SLC9C2: variants seen among roughly 807,000 people sequenced by gnomAD.
SLC9C2 encodes the protein sodium/hydrogen exchanger 11.
A neutral mutation model predicts 140.2 loss-of-function variants in SLC9C2; 75 were observed. That is an observed-to-expected ratio of 0.53 (90% CI 0.44 to 0.65). SLC9C2 has a LOEUF of 0.65. Ranked by LOEUF, SLC9C2 falls within the 30% of genes least tolerant of loss-of-function variation. The pLI, the probability that SLC9C2 is intolerant of heterozygous loss-of-function variation, is 0.00. For missense variants in SLC9C2, 1,074 were observed against 1,331.8 expected (o/e 0.81, Z 3.01); for synonymous variants, 375 against 420.9 (o/e 0.89, Z 1.34).
chr1:173,571,612 C>A (rs990840757), intron 9 of SLC9C2: 1 of 152,062 alleles, frequency 6.6e-6, no homozygotes, highest in Admixed American at 6.5e-5. Context: ...ATATTATATT[C>A]TTCATTTAAC....
Position 173,576,823 on chromosome 1 carries a change from C to G in SLC9C2, c.803-63G>C, listed in dbSNP as rs1231973202. The stretch of plus-strand genomic sequence containing the variant: ...GTATTCATATCTGCACACTGAGACA[C>G]TTTATCTTGAATAAAGAATTGGTGG... On this transcript the variant is annotated intron_variant, in intron 7 of 27. Coordinates refer to ENST00000367714, the MANE Select transcript of SLC9C2 (RefSeq NM_178527.4). 4.1e-6 allele frequency: 4 copies of G among 972,134 alleles called. No individual in the cohort carries two copies. In the African/African-American group the frequency reaches 6.6e-5, roughly 16 times the overall value. The allele number at this position is 972,134 out of a possible 1,614,324, so 60.2% of individuals were successfully genotyped here.
Position 173,548,535 on chromosome 1 carries a change from G to T in SLC9C2, c.1315C>A (p.Leu439Ile). Residue 439 changes from leucine to isoleucine, a missense_variant, in exon 12 of 28, where the codon CTC (leucine) becomes ATC (isoleucine). Physicochemically the swap from Leu to Ile is conservative, Grantham distance 5 (BLOSUM62 2). Coordinates refer to ENST00000367714, the MANE Select transcript of SLC9C2 (RefSeq NM_178527.4). ...ARKLDLCVLSLPRQMILQNAT... is the reference protein window; with the variant it reads ...ARKLDLCVLSIPRQMILQNAT... ...TTTTGCAAGATCATTTGTCTTGGGA[G>T]GGAAAGAACACACAAATCTGTGACA... 1 of 1,613,602 alleles carries T rather than the reference G, an allele frequency of 6.2e-7. No homozygotes were observed.
chr1:173,602,621 G>A (rs1289297596), intron 1 of SLC9C2, 130 bp downstream of exon 1: 4 of 152,178 alleles, frequency 2.6e-5, no homozygotes, highest in Non-Finnish European at 5.9e-5. Context: ...CTCTGTGTAG[G>A]ATGTAACCTG....
chr1:173,518,034 GC>G (rs1364744511), intron 22 of SLC9C2, among the ~76,000 whole-genome samples: 4 of 152,130 alleles, frequency 2.6e-5, no homozygotes, highest in African/African-American at 9.7e-5. Flanking sequence ...GCCAAGGCGG[GC>G]GGATCACAAG....
At chr1:173,602,207 G>A (rs116145970) in intron 1 of SLC9C2, among the ~76,000 whole-genome samples, 75 of 152,272 alleles carry the variant, frequency 4.9e-4, no homozygotes, top group African/African-American at 1.7e-3. Flanking sequence ...CATGTGGCAC[G>A]AGATAGGCTG....
chr1:173,510,713 A>G (rs1288768218), intron 23 of SLC9C2, among the ~76,000 whole-genome samples: 1 of 151,970 alleles, frequency 6.6e-6, no homozygotes, highest in East Asian at 1.9e-4. Flanking sequence ...TATGTACCAC[A>G]TTTTCTTTAT....
intron 15 of SLC9C2, among the ~76,000 whole-genome samples, chr1:173,535,502 C>T (rs911012400): frequency 2.6e-4 from 40 of 152,148 alleles, no homozygotes; most frequent in African/African-American, 9.4e-4. Flanking sequence ...ATCTAGTCTA[C>T]CAGTTAGCTA....
intron 21 of SLC9C2, among the ~76,000 whole-genome samples, chr1:173,523,143 G>A (rs10798283): frequency 0.2 from 29,815 of 152,054 alleles, 4,221 homozygotes; most frequent in East Asian, 0.64. Flanking sequence ...AGGCCAAGGC[G>A]GGTGGATCAC....
chr1:173,584,061 AATAGTATTATTC>A (rs1665711176), intron 5 of SLC9C2, among the ~76,000 whole-genome samples: 1 of 152,228 alleles, frequency 6.6e-6, no homozygotes, highest in Admixed American at 6.5e-5. Context: ...AAACATTCAT[AATAGTATTATTC>A]ATAGGAGCTA....
chr1:173,524,853 T>C lies in SLC9C2; in HGVS notation c.2440A>G (p.Lys814Glu). 1 of 1,614,114 alleles carries C rather than the reference T, an allele frequency of 6.2e-7. No individual in the cohort carries two copies. The highest frequency in any genetic ancestry group is 8.5e-7 in the Non-Finnish European group (1 of 1,179,974). Residue 814 changes from lysine (K) to glutamate (E), a missense_variant, in exon 20 of 28, where the codon AAA becomes GAA. Physicochemically the swap from Lys to Glu is moderately conservative, Grantham distance 56. Coordinates refer to ENST00000367714, the MANE Select transcript of SLC9C2 (RefSeq NM_178527.4). ...AGGAAGGTGAGATTTTTTAGAGCTT[T>C]AGCAATCACATTCCGGATTGCCTGT... Reference protein sequence around the residue: ...TKQAIRNVIAKALKNLTFLCS... With the variant: ...TKQAIRNVIAEALKNLTFLCS...
At chr1:173,545,983 T>A (rs142930461) in intron 13 of SLC9C2, among the ~76,000 whole-genome samples, 102 of 152,250 alleles carry the variant, frequency 6.7e-4, no homozygotes, top group Non-Finnish European at 1.2e-3. Flanking sequence ...AGGTAGAAGC[T>A]ACAAATCTTC....
At chr1:173,518,937 C>T (rs1339938690) in intron 22 of SLC9C2, among the ~76,000 whole-genome samples, 1 of 151,998 alleles carries the variant, frequency 6.6e-6, no homozygotes, top group African/African-American at 2.4e-5. Flanking sequence ...GTTGTTCAAC[C>T]AAATACTAAT....
chr1:173,550,565 A>G (rs1663206555), intron 11 of SLC9C2, among the ~76,000 whole-genome samples: 1 of 151,316 alleles, frequency 6.6e-6, no homozygotes, highest in African/African-American at 2.4e-5. Context: ...CAGCCTCCCA[A>G]GTAGCTGGGA....
intron 9 of SLC9C2, among the ~76,000 whole-genome samples, chr1:173,560,373 T>A (rs1262444575): frequency 6.6e-6 from 1 of 152,232 alleles, no homozygotes; most frequent in Non-Finnish European, 1.5e-5. Context: ...TGCCTCTCAC[T>A]GCACATTGCT....
chr1:173,592,765 G>A (rs952855686), intron 4 of SLC9C2, among the ~76,000 whole-genome samples: 23 of 152,120 alleles, frequency 1.5e-4, no homozygotes, highest in African/African-American at 5.6e-4. Context: ...CTGAGATTAT[G>A]GGGTTTTCTA....
rs78233665 is a variant in SLC9C2, at chr1:173,585,661, G to A, written c.523+2004C>T. 5.1e-4 allele frequency among the ~76,000 whole-genome samples: 78 copies of A among 152,146 alleles called. 1 individual carries two copies. The highest frequency in any genetic ancestry group is 1.7e-3 in the South Asian group (8 of 4,820). The stretch of plus-strand genomic sequence containing the variant: ...CCAACCCAATACCTTCACTAGTTTC[G>A]TCTTAAAGCAATAGAAGACTTTCAG... On this transcript the variant is annotated intron_variant, in intron 5 of 27. Coordinates refer to ENST00000367714, the MANE Select transcript of SLC9C2 (RefSeq NM_178527.4).
intron 22 of SLC9C2, 48 bp from the exon 23 acceptor site, chr1:173,517,752 C>A (rs775477230): frequency 3.3e-6 from 5 of 1,532,096 alleles, no homozygotes; most frequent in Admixed American, 4.2e-5. Flanking sequence ...AATGAAAAAC[C>A]CTTTGATCAA....
At chr1:173,560,950 C>A (rs901932691) in intron 9 of SLC9C2, among the ~76,000 whole-genome samples, 10 of 152,030 alleles carry the variant, frequency 6.6e-5, no homozygotes, top group Non-Finnish European at 1.5e-4. Flanking sequence ...GCATGTGCAA[C>A]CACGCCCAGC....
chr1:173,501,762 G>C (rs1057088333), intron 27 of SLC9C2, among the ~76,000 whole-genome samples: 2 of 152,056 alleles, frequency 1.3e-5, no homozygotes, highest in Non-Finnish European at 2.9e-5. Context: ...TAAGAGAGAG[G>C]AGAGGAAGGC....
Sources: allele counts gnomAD v4.1 joint callset (sites outside exome capture counted in the v4.1 genomes callset), GRCh38; gene constraint gnomAD v4.1.1; transcripts MANE v1.5; gene names NCBI Gene and HGNC (gene_info 2026-07-23, HGNC 2026-07-21).